Variants in TAOK3 observed in about 807,000 individuals in gnomAD.
The protein encoded by TAOK3 is TAO kinase 3.
Under a neutral mutation model 120.4 loss-of-function variants are expected in TAOK3, and 40 were observed. The ratio of observed to expected loss-of-function variants is 0.33; its 90% CI spans 0.26 to 0.43. The LOEUF (loss-of-function observed/expected upper bound fraction) is 0.43, where lower values mean the gene tolerates loss of function less well. Ranked by LOEUF, TAOK3 falls within the 20% of genes least tolerant of loss-of-function variation. The pLI, the probability that TAOK3 is intolerant of heterozygous loss-of-function variation, is 1.00. For synonymous variants in TAOK3, 355 were observed against 387.5 expected (o/e 0.92, Z 0.99); for missense variants, 821 against 1,112.1 (o/e 0.74, Z 3.72).
At chr12:118,232,358 A>G (rs1156410957) in intron 9 of TAOK3, among the ~76,000 whole-genome samples, 1 of 152,202 alleles carries the variant, frequency 6.6e-6, no homozygotes, top group Non-Finnish European at 1.5e-5. Flanking sequence ...TTATAACACA[A>G]AGTTTTCTTC....
rs368702140 is a variant in TAOK3, at chr12:118,172,615, G to A, written c.1741C>T (p.Arg581Trp). The A allele has an allele frequency of 2.7e-5, 44 of 1,614,034 alleles. No individual in the cohort carries two copies. Among genetic ancestry groups the A allele is most frequent in the Non-Finnish European group, 3.6e-5 (42 of 1,180,038 alleles). The change falls in exon 17 of 21, where the codon CGG (arginine) becomes TGG (tryptophan). Residue 581 changes from arginine to tryptophan, a missense_variant. This residue lies in a region of TAOK3 where 354 missense variants were observed against 572.1 expected (regional missense o/e 0.62). Coordinates refer to ENST00000392533, the MANE Select transcript of TAOK3 (RefSeq NM_016281.4). ...AAGTTCTCTTTATGTTTGGAGATCC[G>A]CTCTTGCTTCTCTTTCTTGGGTGTG... Reference protein sequence around the residue: ...HSTPKKEKQERISKHKENLQH... With the variant: ...HSTPKKEKQEWISKHKENLQH...
At chr12:118,325,169 A>C (rs1198471656) in intron 1 of TAOK3, among the ~76,000 whole-genome samples, 1 of 152,220 alleles carries the variant, frequency 6.6e-6, no homozygotes, top group East Asian at 1.9e-4. Context: ...TATTGTGAAT[A>C]GTGCTGCAAT....
intron 13 of TAOK3, among the ~76,000 whole-genome samples, chr12:118,192,254 T>C (rs2037472412): frequency 6.6e-6 from 1 of 152,318 alleles, no homozygotes; most frequent in East Asian, 1.9e-4. Context: ...ATGACATTGA[T>C]TTTAGTTGAC....
chr12:118,187,522 A>T (rs2037149072), intron 14 of TAOK3, among the ~76,000 whole-genome samples: 1 of 152,200 alleles, frequency 6.6e-6, no homozygotes, highest in African/African-American at 2.4e-5. Flanking sequence ...AATATACATT[A>T]AAAAATCCAT....
chr12:118,269,652 G>A (rs941528775), intron 1 of TAOK3, among the ~76,000 whole-genome samples: 4 of 152,108 alleles, frequency 2.6e-5, no homozygotes, highest in African/African-American at 9.7e-5. Context: ...TTACAGGCGT[G>A]AGCCACTGCG....
chr12:118,159,974 T>C (rs559028007), intron 19 of TAOK3, 172 bp downstream of exon 19: 1 of 626,980 alleles, frequency 1.6e-6, no homozygotes, highest in Non-Finnish European at 2.8e-6. Context: ...CTCCAGCAAG[T>C]ATCCACATTG....
At chr12:118,189,742 G>A in intron 14 of TAOK3, 65 bp downstream of exon 14, 3 of 1,598,208 alleles carry the variant, frequency 1.9e-6, no homozygotes, top group Non-Finnish European at 2.6e-6. Flanking sequence ...CTCAGGGAGG[G>A]CGAGAGGCTG....
chr12:118,324,937 G>A (rs1249153124), intron 1 of TAOK3, among the ~76,000 whole-genome samples: 2 of 151,488 alleles, frequency 1.3e-5, no homozygotes, highest in Non-Finnish European at 2.9e-5. Flanking sequence ...TAGTAGAGAC[G>A]GGGTTTCACC....
At chr12:118,324,130 C>G (rs1289987325) in intron 1 of TAOK3, among the ~76,000 whole-genome samples, 1 of 152,094 alleles carries the variant, frequency 6.6e-6, no homozygotes, top group African/African-American at 2.4e-5. Flanking sequence ...GCCAATTTCT[C>G]ATCTTTCATC....
intron 1 of TAOK3, among the ~76,000 whole-genome samples, chr12:118,330,313 G>A (rs188458639): frequency 6.6e-6 from 1 of 152,250 alleles, no homozygotes; most frequent in Admixed American, 6.5e-5. Context: ...AGGTCTTTAC[G>A]TCTTTTGTCT....
chr12:118,163,964 G>A (rs2035400901), intron 17 of TAOK3, among the ~76,000 whole-genome samples: 1 of 151,862 alleles, frequency 6.6e-6, no homozygotes, highest in Non-Finnish European at 1.5e-5. Flanking sequence ...TGCCCGCCTT[G>A]GCCTCTCAAA....
In TAOK3 at chr12:118,248,487, T is replaced by C. The variant is rs575062441; in HGVS notation, c.121-3522A>G. Among the ~76,000 whole-genome samples the C allele has an allele frequency of 1.1e-4, 17 of 152,152 alleles. No individual in the cohort carries two copies. The South Asian group carries it at 2.9e-3, about 26-fold the overall frequency. The stretch of plus-strand genomic sequence containing the variant: ...AGCTGATGTAAATTCAGTATTACAA[T>C]AAAGGTTAAAGGGACTATATCTGAA... On this transcript the variant is annotated intron_variant, in intron 3 of 20. Transcript: ENST00000392533.
intron 3 of TAOK3, among the ~76,000 whole-genome samples, chr12:118,253,245 C>A: frequency 6.6e-6 from 1 of 152,086 alleles, no homozygotes; most frequent in Non-Finnish European, 1.5e-5. Flanking sequence ...AAAATAATCT[C>A]ATTTGGAAGG....
At chr12:118,208,044 T>C (rs1448377031) in intron 11 of TAOK3, among the ~76,000 whole-genome samples, 1 of 152,198 alleles carries the variant, frequency 6.6e-6, no homozygotes, top group East Asian at 1.9e-4. Flanking sequence ...GTCCTATATA[T>C]TTTAAGAAAT....
At chr12:118,322,312 CA>C (rs372010412) in intron 1 of TAOK3, among the ~76,000 whole-genome samples, 729 of 65,870 alleles carry the variant, frequency 0.011, 3 homozygotes, top group African/African-American at 0.028. Context: ...GAGACTGTCT[CA>C]AAAAAAAAAA....
At chr12:118,267,082 C>G (rs889739543) in intron 1 of TAOK3, among the ~76,000 whole-genome samples, 2 of 152,194 alleles carry the variant, frequency 1.3e-5, no homozygotes, top group African/African-American at 4.8e-5. Flanking sequence ...GGTAATGCTA[C>G]TGATTCTCTG....
intron 1 of TAOK3, among the ~76,000 whole-genome samples, chr12:118,349,183 G>A (rs1480086987): frequency 3.9e-5 from 6 of 152,150 alleles, no homozygotes; most frequent in African/African-American, 7.2e-5. Flanking sequence ...GAGCCACCGC[G>A]CTGGCTGATT....
At chr12:118,274,572 TTAAGA>T (rs1477628052) in intron 1 of TAOK3, among the ~76,000 whole-genome samples, 13 of 152,290 alleles carry the variant, frequency 8.5e-5, no homozygotes, top group African/African-American at 2.9e-4. Flanking sequence ...AAAAAGAGGT[TTAAGA>T]TAAGAGACAG....
chr12:118,372,168 C>T lies in TAOK3; in HGVS notation c.-194+480G>A, dbSNP rs2045918481. ...GTCCCCTCCCCTCACCTCGGGGTCT[C>T]CTCTCCCCGGGTGCTGTCCCAGCCC... On this transcript the variant is annotated intron_variant, in intron 1 of 20. Transcript: ENST00000392533. This position sits in a 1 kb window ranked among gnomAD's most constrained non-coding sequence, Gnocchi z 4.6. 1.3e-5 allele frequency among the ~76,000 whole-genome samples: 2 copies of T among 151,366 alleles called. No homozygotes were observed.
Sources: allele counts gnomAD v4.1 joint callset (sites outside exome capture counted in the v4.1 genomes callset), GRCh38; gene constraint gnomAD v4.1.1; regional missense constraint gnomAD v4.1.1; non-coding constraint Gnocchi (gnomAD v3.1); transcripts MANE v1.5; gene names NCBI Gene and HGNC (gene_info 2026-07-23, HGNC 2026-07-21).